The following SIK2 variants were observed in gnomAD, a reference collection of about 807,000 sequenced individuals.
SIK2 encodes salt inducible kinase 2.
Under a neutral mutation model 103.2 loss-of-function variants are expected in SIK2, and 29 were observed. The ratio of observed to expected loss-of-function variants is 0.28; its 90% CI spans 0.21 to 0.38. SIK2 has a LOEUF of 0.38. SIK2 is among the 10% of genes least tolerant of loss of function. The pLI, the probability that SIK2 is intolerant of heterozygous loss-of-function variation, is 1.00. For synonymous variants in SIK2, 412 were observed against 446.1 expected (o/e 0.92, Z 0.96); for missense variants, 879 against 1,171.0 (o/e 0.75, Z 3.64).
intron 3 of SIK2, among the ~76,000 whole-genome samples, chr11:111,627,914 G>A (rs1252629018): frequency 6.6e-6 from 1 of 152,114 alleles, no homozygotes; most frequent in African/African-American, 2.4e-5. Flanking sequence ...AACACTTCAT[G>A]TCTTAATTAG....
At chr11:111,607,650 A>G (rs1185481415) in intron 1 of SIK2, among the ~76,000 whole-genome samples, 1 of 152,134 alleles carries the variant, frequency 6.6e-6, no homozygotes, top group Non-Finnish European at 1.5e-5. Flanking sequence ...ATGATCTTTA[A>G]TTTTGTATTG....
chr11:111,697,055 C>G (rs1943093034), intron 4 of SIK2, among the ~76,000 whole-genome samples: 1 of 152,176 alleles, frequency 6.6e-6, no homozygotes, highest in Non-Finnish European at 1.5e-5. Flanking sequence ...TCAAAAATAA[C>G]TATTTTTGAC....
intron 3 of SIK2, chr11:111,671,186 G>A: frequency 3.9e-6 from 1 of 255,612 alleles, no homozygotes; most frequent in Non-Finnish European, 7.7e-6. Flanking sequence ...CTCATATTCT[G>A]CATCCCAGAC....
Position 111,703,461 on chromosome 11 carries a change from A to C in SIK2, c.948+38A>C, listed in dbSNP as rs151019605. ...GAGATTTCGGGGTTCTACTGCACTT[A>C]GCTACTTGAAATTTCATGCTCACAC... On this transcript the variant is annotated intron_variant, in intron 7 of 14. Coordinates refer to ENST00000304987, the MANE Select transcript of SIK2 (RefSeq NM_015191.3). 37 of 1,586,324 alleles carry C rather than the reference A, an allele frequency of 2.3e-5. No homozygotes were observed. In the East Asian group the frequency reaches 8.1e-4, roughly 35 times the overall value.
At chr11:111,723,053 G>A (rs1216966677) in intron 14 of SIK2, among the ~76,000 whole-genome samples, 1 of 152,154 alleles carries the variant, frequency 6.6e-6, no homozygotes, top group Non-Finnish European at 1.5e-5. Flanking sequence ...TATGGAGGTG[G>A]GGTAGGCGGC....
rs1943913299 is a variant in SIK2, at chr11:111,724,655, T to C, written c.*526T>C. 1 of 157,380 alleles carries C rather than the reference T, an allele frequency of 6.4e-6. No individual in the cohort carries two copies. The highest frequency in any genetic ancestry group is 1.9e-4 in the South Asian group (1 of 5,194). The allele number at this position is 157,380 out of a possible 1,614,324, so 9.7% of individuals were successfully genotyped here. A position where few individuals can be genotyped will look rare whatever the true frequency, so the allele number is the denominator to read the frequency against. Reference sequence around the variant, plus strand: ...TGCTTTGTCATTGAATCCTAAGTTCTTAGCTGCTGATGCAAGTTGTCCCCC... The same window carrying C: ...TGCTTTGTCATTGAATCCTAAGTTCCTAGCTGCTGATGCAAGTTGTCCCCC... On this transcript the variant is annotated 3_prime_UTR_variant, in exon 15 of 15. Coordinates refer to ENST00000304987, the MANE Select transcript of SIK2 (RefSeq NM_015191.3).
chr11:111,620,889 C>T (rs1314816538), intron 3 of SIK2, among the ~76,000 whole-genome samples: 1 of 152,098 alleles, frequency 6.6e-6, no homozygotes, highest in Non-Finnish European at 1.5e-5. Context: ...CTCTCTGGGA[C>T]TTGATTCCTT....
intron 3 of SIK2, among the ~76,000 whole-genome samples, chr11:111,633,532 AAGG>A (rs1942065873): frequency 2.0e-5 from 3 of 152,156 alleles, no homozygotes; most frequent in Admixed American, 1.3e-4. Flanking sequence ...CAGTTTTTGA[AAGG>A]AGTTTTCTGT....
Position 111,724,206 on chromosome 11 carries a change from A to G in SIK2, c.*77A>G. On this transcript the variant is annotated 3_prime_UTR_variant, in exon 15 of 15. Coordinates refer to ENST00000304987, the MANE Select transcript of SIK2 (RefSeq NM_015191.3). ...ATTTTTATTCCAGCCTTTTAAATTT[A>G]AAGCTTATTTTCTTGCCCTCTCCCT... 3 of 1,518,406 alleles carry G rather than the reference A, an allele frequency of 2.0e-6. No individual in the cohort carries two copies. The highest frequency in any genetic ancestry group is 1.3e-5 in the South Asian group (1 of 76,338). 94.1% of individuals were successfully genotyped at this position (1,518,406 alleles called of 1,614,324 possible).
intron 12 of SIK2, 100 bp downstream of exon 12, chr11:111,721,162 G>T: frequency 7.2e-7 from 1 of 1,379,806 alleles, no homozygotes; most frequent in Non-Finnish European, 9.7e-7. Context: ...CTCCAGTCCT[G>T]GAGCAAACAG....
At chr11:111,657,875 G>A (rs1430752729) in intron 3 of SIK2, among the ~76,000 whole-genome samples, 3 of 151,996 alleles carry the variant, frequency 2.0e-5, no homozygotes, top group Non-Finnish European at 2.9e-5. Flanking sequence ...GATAGGAGGA[G>A]GAGATGTAAT....
chr11:111,685,980 G>A (rs1199890451), intron 3 of SIK2, among the ~76,000 whole-genome samples: 8 of 152,156 alleles, frequency 5.3e-5, no homozygotes, highest in Non-Finnish European at 8.8e-5. Context: ...GTCACCAGTT[G>A]TACAAATTCA....
rs548736585 is a variant in SIK2, at chr11:111,725,823, C to G, written c.*1694C>G. 1 of 152,712 alleles carries G rather than the reference C, an allele frequency of 6.5e-6. No individual in the cohort carries two copies. The highest frequency in any genetic ancestry group is 1.9e-4 in the East Asian group (1 of 5,192). The allele number at this position is 152,712 out of a possible 1,614,324, so 9.5% of individuals were successfully genotyped here. On this transcript the variant is annotated 3_prime_UTR_variant, in exon 15 of 15. Coordinates refer to ENST00000304987, the MANE Select transcript of SIK2 (RefSeq NM_015191.3). ...GTCCCTGTTGCTGGCCAGAGACTGCCTGGTCGCCAGCGCTCACCATGGGTG... is the reference window on the plus strand; with the variant it reads ...GTCCCTGTTGCTGGCCAGAGACTGCGTGGTCGCCAGCGCTCACCATGGGTG...
At chr11:111,623,763 G>C (rs1004867402) in intron 3 of SIK2, among the ~76,000 whole-genome samples, 1 of 152,132 alleles carries the variant, frequency 6.6e-6, no homozygotes, top group Non-Finnish European at 1.5e-5. Context: ...TCCCTCACAC[G>C]TGAGCCAATC....
At chr11:111,699,130 T>C (rs576711783) in intron 4 of SIK2, among the ~76,000 whole-genome samples, 2 of 152,196 alleles carry the variant, frequency 1.3e-5, no homozygotes, top group Non-Finnish European at 1.5e-5. Context: ...TTTTGGAAAG[T>C]GGACTGTGGA....
chr11:111,706,534 AG>A (rs767377993), intron 8 of SIK2, among the ~76,000 whole-genome samples: 6 of 152,244 alleles, frequency 3.9e-5, no homozygotes, highest in Non-Finnish European at 5.9e-5. Flanking sequence ...TTTCTTTGGC[AG>A]TTTTACAAAA....
At chr11:111,679,188 G>A (rs1353512017) in intron 3 of SIK2, among the ~76,000 whole-genome samples, 2 of 152,134 alleles carry the variant, frequency 1.3e-5, no homozygotes, top group East Asian at 3.8e-4. Flanking sequence ...TTCTGTGTGG[G>A]AATTATAAAT....
intron 9 of SIK2, 55 bp from the exon 10 acceptor site, chr11:111,719,720 A>C: frequency 6.5e-7 from 1 of 1,539,790 alleles, no homozygotes; most frequent in Non-Finnish European, 8.8e-7. Context: ...TCCTTTGTGG[A>C]TTTTTCTGTC....
chr11:111,650,646 T>C (rs1173767885), intron 3 of SIK2, among the ~76,000 whole-genome samples: 1 of 152,172 alleles, frequency 6.6e-6, no homozygotes, highest in Non-Finnish European at 1.5e-5. Context: ...ATTTTTTCTA[T>C]TCATACCTCT....
Sources: allele counts gnomAD v4.1 joint callset (sites outside exome capture counted in the v4.1 genomes callset), GRCh38; gene constraint gnomAD v4.1.1; transcripts MANE v1.5; gene names NCBI Gene and HGNC (gene_info 2026-07-23, HGNC 2026-07-21).